The following VWA3A variants were observed in gnomAD, a reference collection of about 807,000 sequenced individuals.
VWA3A encodes the protein von Willebrand factor A domain containing 3A.
In VWA3A, 134 loss-of-function variants were observed where a neutral mutation model predicts 160.4. The observed-to-expected ratio is 0.84, with a 90% CI of 0.73 to 0.96. VWA3A has a LOEUF of 0.96. Ranked by LOEUF, VWA3A falls within the 40% of genes least tolerant of loss-of-function variation. The pLI is 0.00. For synonymous variants in VWA3A, 476 were observed against 543.4 expected (o/e 0.88, Z 1.72); for missense variants, 1,310 against 1,447.9 (o/e 0.90, Z 1.55).
In VWA3A at chr16:22,144,372, C is replaced by A. The variant is rs375223769; in HGVS notation, c.2718C>A (p.Ser906Arg). Reference protein sequence around the residue: ...ASAKHCSIFPSVEIHGVVRHI... With the variant: ...ASAKHCSIFPRVEIHGVVRHI... ...CCAAACACTGCAGCATCTTCCCCAG[C>A]GTTGAGATCCATGTAAGTCACAATT... Residue 906 changes from serine (S) to arginine (R), a missense_variant, in exon 26 of 34, where the codon AGC becomes AGA. Transcript: ENST00000389398. 1 of 1,608,328 alleles carries A rather than the reference C, an allele frequency of 6.2e-7. No individual in the cohort carries two copies.
rs751612097 is a variant in VWA3A, at chr16:22,121,072, T to C, written c.1221T>C (p.Ser407=). ...TIEFPNLDKT[S]AEWLKVNGLK... ...AGTTTCCAAACTTGGACAAGACTTC[T>C]GCAGAGTGGCTTAAGGTCAATGGTC... Residue 407 remains serine, a synonymous_variant, in exon 13 of 34, where the codon TCT becomes TCC. Coordinates refer to ENST00000389398, the MANE Select transcript of VWA3A (RefSeq NM_173615.5). 4 of 1,613,876 alleles carry C rather than the reference T, an allele frequency of 2.5e-6. No individual in the cohort carries two copies. In the Admixed American group the frequency reaches 5.0e-5, roughly 20 times the overall value.
chr16:22,148,210 T>A lies in VWA3A; in HGVS notation c.2888T>A (p.Leu963Ter), dbSNP rs552040854. 6.2e-7 allele frequency: 1 copy of A among 1,602,774 alleles called. No homozygotes were observed. The highest frequency in any genetic ancestry group is 2.2e-5 in the East Asian group (1 of 44,558). The change falls in exon 28 of 34, where the codon TTG (leucine) becomes TAG (stop). Residue 963 changes from leucine to a stop codon, truncating the protein, a stop_gained. Transcript: ENST00000389398. LOFTEE classifies it high-confidence loss of function. ...GTTTTGGAGAGCAAAGTATGCATAT[T>A]GCTGGACACGTCAGGGTCCATGGGC... Reference protein sequence around the residue: ...GTVLESKVCILLDTSGSMGPY... With the variant: ...GTVLESKVCI
intron 18 of VWA3A, 89 bp from the exon 19 acceptor site, chr16:22,131,496 T>A (rs755379291): frequency 8.0e-5 from 124 of 1,556,830 alleles, no homozygotes; most frequent in Non-Finnish European, 9.8e-5. Flanking sequence ...CCATCACGTC[T>A]GAGATGGAAA....
rs1377548700 is a variant in VWA3A at position 22,100,348 on chromosome 16, C to A, written c.350+30C>A. ...GTCTGAAGCTGTTCCCCGCACCCCC[C>A]ACAGCTGCAGTGACACATGCAACCC... On this transcript the variant is annotated intron_variant, in intron 4 of 33. Transcript: ENST00000389398. 9 of 1,551,534 alleles carry A rather than the reference C, an allele frequency of 5.8e-6. No individual in the cohort carries two copies. In the Admixed American group the frequency reaches 9.8e-5, roughly 17 times the overall value.
intron 18 of VWA3A, 123 bp downstream of exon 18, chr16:22,131,402 G>A: frequency 1.4e-6 from 2 of 1,431,538 alleles, no homozygotes; most frequent in Non-Finnish European, 9.5e-7. Context: ...AACAGCCATG[G>A]GCAGAAATCA....
chr16:22,111,094 C>T (rs2141872066), intron 8 of VWA3A, 100 bp downstream of exon 8: 1 of 1,025,502 alleles, frequency 9.8e-7, no homozygotes, highest in South Asian at 1.7e-5. Context: ...CCCCAGGACC[C>T]TACTAGATAA....
intron 6 of VWA3A, among the ~76,000 whole-genome samples, chr16:22,106,230 C>A (rs759055966): frequency 4.6e-5 from 7 of 151,842 alleles, no homozygotes; most frequent in Non-Finnish European, 7.4e-5. Context: ...ACTAAAAACA[C>A]AAAAATTAGC....
chr16:22,118,639 T>C (rs1377146660), intron 11 of VWA3A, among the ~76,000 whole-genome samples: 10 of 152,318 alleles, frequency 6.6e-5, no homozygotes, highest in Non-Finnish European at 1.3e-4. Flanking sequence ...TGAGCCGATA[T>C]TGTGCCACTG....
At chr16:22,131,850 A>G (rs1302590860) in intron 19 of VWA3A, 121 bp downstream of exon 19, 1 of 1,350,568 alleles carries the variant, frequency 7.4e-7, no homozygotes, top group Admixed American at 2.8e-5. Context: ...TCAAACTTTA[A>G]TGTATAGACA....
rs747770335 is a variant in VWA3A, at chr16:22,154,960, C to CAAAAAAAAAAA, written c.3406-580_3406-570dup. ...TGGGCGACAGAGCGAGACTCCGTCT[C>CAAAAAAAAAAA]AAAAAAAAAAAAAAAAAAAAAAAAA... On this transcript the variant is annotated intron_variant, in intron 31 of 33. Coordinates refer to ENST00000389398, the MANE Select transcript of VWA3A (RefSeq NM_173615.5). Among the ~76,000 whole-genome samples, 33 of 54,430 alleles carry CAAAAAAAAAAA rather than the reference C, an allele frequency of 6.1e-4. 2 individuals carry two copies. Among genetic ancestry groups the CAAAAAAAAAAA allele is most frequent in the African/African-American group, 1.5e-3 (25 of 16,496 alleles). 35.7% of individuals were successfully genotyped at this position (54,430 alleles called of 152,430 possible).
chr16:22,120,106 ACT>A (rs906499635), intron 12 of VWA3A, among the ~76,000 whole-genome samples: 6 of 152,114 alleles, frequency 3.9e-5, no homozygotes, highest in African/African-American at 1.4e-4. Flanking sequence ...TTATCTTAAC[ACT>A]CTGAGGTAAG....
chr16:22,154,107 G>C (rs2046395189), intron 31 of VWA3A, among the ~76,000 whole-genome samples: 1 of 152,012 alleles, frequency 6.6e-6, no homozygotes, highest in Non-Finnish European at 1.5e-5. Context: ...CTAGGGACAA[G>C]TATTATAAAT....
intron 22 of VWA3A, among the ~76,000 whole-genome samples, chr16:22,138,914 G>A (rs2046094029): frequency 1.3e-5 from 2 of 152,104 alleles, no homozygotes; most frequent in African/African-American, 4.8e-5. Context: ...ATAGGAGCCT[G>A]AGGGTGGGCT....
intron 12 of VWA3A, among the ~76,000 whole-genome samples, chr16:22,119,926 G>T (rs1001411011): frequency 6.6e-6 from 1 of 151,592 alleles, no homozygotes; most frequent in African/African-American, 2.4e-5. Context: ...GCTGATTCAG[G>T]AGAATCTCTT....
At chr16:22,126,052 T>C in intron 16 of VWA3A, 126 bp from the exon 17 acceptor site, 1 of 1,362,108 alleles carries the variant, frequency 7.3e-7, no homozygotes, top group Non-Finnish European at 1.0e-6. Context: ...ACAGAGAAGA[T>C]TTTGGCCAGC....
chr16:22,149,855 C>G lies in VWA3A; in HGVS notation c.3053C>G (p.Ala1018Gly). ...WQDTLVETTD[A>G]ACHEAMQWVT... ...GACACGCTGGTGGAGACCACAGATG[C>G]AGCGTGTCATGAGGCTATGCAATGG... The change falls in exon 29 of 34, where the codon GCA (alanine) becomes GGA (glycine). Residue 1018 changes from alanine (A) to glycine (G), a missense_variant. Ala to Gly is a moderately conservative substitution (Grantham distance 60). Transcript: ENST00000389398. 1 of 1,612,606 alleles carries G rather than the reference C, an allele frequency of 6.2e-7. No individual in the cohort carries two copies. The highest frequency in any genetic ancestry group is 8.5e-7 in the Non-Finnish European group (1 of 1,179,100).
intron 22 of VWA3A, 77 bp downstream of exon 22, chr16:22,138,589 G>T (rs2046087152): frequency 1.9e-6 from 3 of 1,574,252 alleles, no homozygotes; most frequent in Non-Finnish European, 1.7e-6. Context: ...GTCTTAAAAT[G>T]GCTGGGGCCA....
At position 22,092,703 on chromosome 16, in the gene VWA3A, A is replaced by G. The variant is rs989846108; in HGVS notation, c.14+52A>G. 3.2e-6 allele frequency: 5 copies of G among 1,547,896 alleles called. No individual in the cohort carries two copies. The African/African-American group carries it at 6.9e-5, about 21-fold the overall frequency. The stretch of plus-strand genomic sequence containing the variant: ...CAGGGGTGGTGAGAGGGTGTCGGGG[A>G]GGCCAGATACTAAGCTCTGGACTGA... On this transcript the variant is annotated intron_variant, in intron 1 of 33. Coordinates refer to ENST00000389398, the MANE Select transcript of VWA3A (RefSeq NM_173615.5).
At chr16:22,142,635 A>G in intron 24 of VWA3A, 33 bp from the exon 25 acceptor site, 1 of 1,519,216 alleles carries the variant, frequency 6.6e-7, no homozygotes, top group Non-Finnish European at 8.9e-7. Flanking sequence ...AACCATCCAA[A>G]CTATAGCAAT....
Sources: gnomAD v4.1 joint callset for allele counts (sites outside exome capture counted in the v4.1 genomes callset) on GRCh38, gnomAD v4.1.1 for gene constraint, MANE v1.5 for transcripts, NCBI Gene and HGNC (gene_info 2026-07-23, HGNC 2026-07-21) for gene names.